Variants in TNIK observed in about 807,000 individuals in gnomAD.
The protein encoded by TNIK is TRAF2 and NCK interacting kinase.
In TNIK, 49 loss-of-function variants were observed where a neutral mutation model predicts 191.3. The ratio of observed to expected loss-of-function variants is 0.26; its 90% CI spans 0.20 to 0.32. The LOEUF (loss-of-function observed/expected upper bound fraction) is 0.32, where lower values mean the gene tolerates loss of function less well. Ranked by LOEUF, TNIK falls within the 10% of genes least tolerant of loss-of-function variation. The pLI is 1.00. For synonymous variants in TNIK, 594 were observed against 600.9 expected, an observed-to-expected ratio of 0.99 and a Z score of 0.17; for missense variants, 1,155 against 1,702.3, an observed-to-expected ratio of 0.68 and a Z score of 5.66.
At chr3:171,221,506 C>T (rs919180739) in intron 3 of TNIK, among the ~76,000 whole-genome samples, 2 of 152,152 alleles carry the variant, frequency 1.3e-5, no homozygotes, top group African/African-American at 4.8e-5. Flanking sequence ...TCTCTTCATA[C>T]TCTGTACACT....
At chr3:171,247,834 TG>T (rs1745774243) in intron 2 of TNIK, among the ~76,000 whole-genome samples, 1 of 152,160 alleles carries the variant, frequency 6.6e-6, no homozygotes, top group Admixed American at 6.5e-5. Flanking sequence ...ATGAAGCCCC[TG>T]GGACCTTACA....
intron 2 of TNIK, among the ~76,000 whole-genome samples, chr3:171,353,373 T>A (rs919708337): frequency 2.6e-5 from 4 of 152,216 alleles, no homozygotes; most frequent in African/African-American, 9.6e-5. Flanking sequence ...GTTTAGACTT[T>A]TCATCTGTAA....
intron 12 of TNIK, among the ~76,000 whole-genome samples, chr3:171,145,825 G>T (rs1731494565): frequency 7.0e-6 from 1 of 142,064 alleles, no homozygotes; most frequent in South Asian, 2.2e-4. Flanking sequence ...GATTACTTTA[G>T]ATAAGCAGAA....
At chr3:171,207,725 G>A (rs1160736983) in intron 4 of TNIK, among the ~76,000 whole-genome samples, 2 of 152,186 alleles carry the variant, frequency 1.3e-5, no homozygotes, top group Non-Finnish European at 2.9e-5. Flanking sequence ...TGACAATGTA[G>A]AAGTCCTTTG....
intron 2 of TNIK, 106 bp from the exon 3 acceptor site, chr3:171,228,327 A>T: frequency 8.9e-7 from 1 of 1,118,180 alleles, no homozygotes; most frequent in Non-Finnish European, 1.3e-6. Flanking sequence ...TACTATGTCA[A>T]TGGGGGGAGA....
At chr3:171,339,291 T>TA (rs1757284794) in intron 2 of TNIK, among the ~76,000 whole-genome samples, 2 of 152,222 alleles carry the variant, frequency 1.3e-5, no homozygotes, top group South Asian at 4.1e-4. Context: ...TGAGACTTGA[T>TA]AAGTCATCCT....
chr3:171,133,279 A>G (rs1729561424), intron 15 of TNIK, among the ~76,000 whole-genome samples: 1 of 152,234 alleles, frequency 6.6e-6, no homozygotes, highest in Non-Finnish European at 1.5e-5. Context: ...GCAAAATCTT[A>G]GAAAGTTGAT....
chr3:171,227,148 G>A (rs1001968437), intron 3 of TNIK, among the ~76,000 whole-genome samples: 1 of 151,996 alleles, frequency 6.6e-6, no homozygotes, highest in African/African-American at 2.4e-5. Flanking sequence ...GAATCCTTTC[G>A]AGTCAGATTT....
chr3:171,126,096 G>T lies in TNIK; in HGVS notation c.1829C>A (p.Ser610Ter). ...SQGPALTASQ[S>*]VHEQPTKGLS... ...GCCCTTTGTGGGCTGCTCGTGCACTGACTGGGAGGCGGTCAAGGCAGGTCC... is the reference window on the plus strand; with the variant it reads ...GCCCTTTGTGGGCTGCTCGTGCACTTACTGGGAGGCGGTCAAGGCAGGTCC... The change falls in exon 17 of 33, where the codon TCA (serine) becomes TAA (stop). Residue 610 changes from serine to a stop codon, truncating the protein, a stop_gained. Coordinates refer to ENST00000436636, the MANE Select transcript of TNIK (RefSeq NM_015028.4). LOFTEE classifies it high-confidence loss of function. 1 of 1,597,378 alleles carries T rather than the reference G, an allele frequency of 6.3e-7. No homozygotes were observed. The highest frequency in any genetic ancestry group is 1.1e-5 in the South Asian group (1 of 88,394).
At position 171,059,278 on chromosome 3, in the gene TNIK, T is replaced by C. The variant is rs1207056705; in HGVS notation, c.*4603A>G. On this transcript the variant is annotated 3_prime_UTR_variant, in exon 33 of 33. Coordinates refer to ENST00000436636, the MANE Select transcript of TNIK (RefSeq NM_015028.4). ...TCATGGACTCAGAAGAATCCAAGAT[T>C]TTGATCTAGATTTAAAATAACTCAA... Among the ~76,000 whole-genome samples the C allele has an allele frequency of 2.6e-5, 4 of 152,332 alleles. No homozygotes were observed. In the East Asian group the frequency reaches 7.7e-4, roughly 29 times the overall value.
At chr3:171,393,520 T>C (rs1359625342) in intron 1 of TNIK, among the ~76,000 whole-genome samples, 1 of 152,230 alleles carries the variant, frequency 6.6e-6, no homozygotes, top group African/African-American at 2.4e-5. Context: ...TTGAACCATA[T>C]GATGGACCTA....
intron 23 of TNIK, among the ~76,000 whole-genome samples, chr3:171,089,821 T>A (rs1721834131): frequency 6.6e-6 from 1 of 152,224 alleles, no homozygotes; most frequent in Non-Finnish European, 1.5e-5. Flanking sequence ...TACCACCACA[T>A]GCCAAGTACT....
chr3:171,254,710 C>G (rs1040124204), intron 2 of TNIK, among the ~76,000 whole-genome samples: 3 of 152,020 alleles, frequency 2.0e-5, no homozygotes, highest in Non-Finnish European at 4.4e-5. Context: ...CATATAAGGG[C>G]TAAATGGAAA....
At chr3:171,142,415 C>CG (rs1240320446) in intron 12 of TNIK, among the ~76,000 whole-genome samples, 3 of 152,220 alleles carry the variant, frequency 2.0e-5, no homozygotes, top group Non-Finnish European at 4.4e-5. Flanking sequence ...GGAATAAAGA[C>CG]TAACAACTAT....
Position 171,136,023 on chromosome 3 carries a change from A to G in TNIK, c.1608+2168T>C, listed in dbSNP as rs533585462. Among the ~76,000 whole-genome samples, 271 of 152,370 alleles carry G rather than the reference A, an allele frequency of 1.8e-3. 1 individual carries two copies. Among genetic ancestry groups the G allele is most frequent in the Middle Eastern group, 0.01 (3 of 294 alleles). On this transcript the variant is annotated intron_variant, in intron 15 of 32. Transcript: ENST00000436636. ...TCAAGGTAGACAAGTTCAAATCACA[A>G]GGTGCTGGGTAGAGGCTGAATGAAG... is the stretch of plus-strand genomic sequence containing the variant.
Position 171,125,923 on chromosome 3 carries a change from T to A in TNIK, c.2002A>T (p.Ile668Phe). ...CCAGTAAATATTACCTTTGGTGGAA[T>A]GTCTTCTTCCTGTCGTAACCAAGAG... is the stretch of plus-strand genomic sequence containing the variant. ...RSSWLRQEED[I>F]PPKVPQRTTS... Residue 668 changes from isoleucine to phenylalanine, a missense_variant, in exon 17 of 33, where the codon ATT becomes TTT. Coordinates refer to ENST00000436636, the MANE Select transcript of TNIK (RefSeq NM_015028.4). The A allele has an allele frequency of 6.2e-7, 1 of 1,613,990 alleles. No homozygotes were observed. The highest frequency in any genetic ancestry group is 8.5e-7 in the Non-Finnish European group (1 of 1,179,886).
chr3:171,283,482 C>T (rs907586394), intron 2 of TNIK, among the ~76,000 whole-genome samples: 2 of 152,152 alleles, frequency 1.3e-5, no homozygotes, highest in Non-Finnish European at 2.9e-5. Flanking sequence ...AAATAATCAG[C>T]ATCACCATTC....
chr3:171,130,405 G>A lies in TNIK; in HGVS notation c.1609-1527C>T, dbSNP rs569428903. ...CAATTGGCTTTGGTTTTGAAATCCC[G>A]TGTCCCAGAAGCTTACCACACACCA... On this transcript the variant is annotated intron_variant, in intron 15 of 32. Coordinates refer to ENST00000436636, the MANE Select transcript of TNIK (RefSeq NM_015028.4). Among the ~76,000 whole-genome samples, 7 of 152,248 alleles carry A rather than the reference G, an allele frequency of 4.6e-5. No individual in the cohort carries two copies. In the South Asian group the frequency reaches 1.2e-3, roughly 27 times the overall value.
chr3:171,277,436 A>T (rs1296091363), intron 2 of TNIK, among the ~76,000 whole-genome samples: 1 of 152,166 alleles, frequency 6.6e-6, no homozygotes, highest in Non-Finnish European at 1.5e-5. Context: ...CTTTTGGGGA[A>T]CAGGTTCGGG....
Sources: gnomAD v4.1 joint callset for allele counts (sites outside exome capture counted in the v4.1 genomes callset) on GRCh38, gnomAD v4.1.1 for gene constraint, MANE v1.5 for transcripts, NCBI Gene and HGNC (gene_info 2026-07-23, HGNC 2026-07-21) for gene names.